PEPD: variants seen among roughly 807,000 people sequenced by gnomAD.
The protein encoded by PEPD is peptidase D.
A neutral mutation model predicts 60.7 loss-of-function variants in PEPD; 53 were observed. That is an observed-to-expected ratio of 0.87 (90% CI 0.70 to 1.10). The LOEUF (loss-of-function observed/expected upper bound fraction) is 1.10. Among genes scored for constraint, PEPD ranks in the 50% least tolerant of loss-of-function variants. The probability of loss-of-function intolerance (pLI) is 0.00; values close to 1 mark genes in which losing one functional copy is unlikely to be tolerated. For synonymous variants in PEPD, 267 were observed against 284.1 expected, an observed-to-expected ratio of 0.94 and a Z score of 0.60; for missense variants, 711 against 711.9, an observed-to-expected ratio of 1.00 and a Z score of 0.01.
intron 12 of PEPD, among the ~76,000 whole-genome samples, chr19:33,399,798 C>A (rs188092254): frequency 6.6e-6 from 1 of 152,138 alleles, no homozygotes; most frequent in Non-Finnish European, 1.5e-5. Flanking sequence ...ACACTGAGGG[C>A]GCACTTGGCA....
rs979488257 is a variant in PEPD, at chr19:33,461,890, G to T, written c.671+1105C>A. ...ACGTGTGTTACACGGCCCCTCCCAG[G>T]ATGCCAAGCACCTGGGTCAGGCCAT... is the stretch of plus-strand genomic sequence containing the variant. On this transcript the variant is annotated intron_variant, in intron 9 of 14. Coordinates refer to ENST00000244137, the MANE Select transcript of PEPD (RefSeq NM_000285.4). 3.3e-5 allele frequency among the ~76,000 whole-genome samples: 5 copies of T among 152,232 alleles called. No homozygotes were observed. The South Asian group carries it at 8.3e-4, about 25-fold the overall frequency.
intron 12 of PEPD, among the ~76,000 whole-genome samples, chr19:33,399,364 G>C (rs1968436708): frequency 6.6e-6 from 1 of 152,212 alleles, no homozygotes; most frequent in African/African-American, 2.4e-5. Flanking sequence ...GATCAGCGCT[G>C]TCACCCCATC....
At chr19:33,391,221 C>A in intron 13 of PEPD, 74 bp downstream of exon 13, 1 of 1,239,522 alleles carries the variant, frequency 8.1e-7, no homozygotes, top group South Asian at 1.2e-5. Flanking sequence ...CTCCTAGAGT[C>A]CCACCCTGCC....
chr19:33,471,793 G>A (rs1304135478), intron 7 of PEPD, among the ~76,000 whole-genome samples: 3 of 151,758 alleles, frequency 2.0e-5, no homozygotes, highest in African/African-American at 7.3e-5. Context: ...GAGGATCTAA[G>A]GCCAAGGCTG....
chr19:33,401,867 A>G lies in PEPD; in HGVS notation c.821T>C (p.Leu274Pro). Residue 274 changes from leucine to proline, a missense_variant and splice_region_variant, in exon 12 of 15, where the codon CTG becomes CCG. Transcript: ENST00000244137. ...GTAATACTCACCGCCCATGTCGAAC[A>G]GGCTGCGGAGAGAGGAAGGCAGGGC... The part of the protein sequence containing the change: ...DRTIQNGDMC[L>P]FDMGGEYYCF... 6.2e-7 allele frequency: 1 copy of G among 1,613,014 alleles called. No homozygotes were observed. The highest frequency in any genetic ancestry group is 8.5e-7 in the Non-Finnish European group (1 of 1,179,898).
chr19:33,474,981 TAAA>T (rs67443412), intron 7 of PEPD, among the ~76,000 whole-genome samples: 1 of 138,548 alleles, frequency 7.2e-6, no homozygotes. Flanking sequence ...TCCTGTCTCT[TAAA>T]AAAAAAAAAA....
chr19:33,464,559 C>A (rs938448026), intron 7 of PEPD, among the ~76,000 whole-genome samples: 1 of 152,190 alleles, frequency 6.6e-6, no homozygotes, highest in African/African-American at 2.4e-5. Context: ...GGTGAAGGGA[C>A]AGAAGCCATT....
Position 33,388,048 on chromosome 19 carries a change from T to C in PEPD, c.1186A>G (p.Ser396Gly). ...TGCAGGTGCCGTGCAGTGCGCAGGC[T>C]CCGCAGGCCGGGCTCGTCGATGCGC... ...VERIDEPGLRSLRTARHLQPG... is the reference protein window; with the variant it reads ...VERIDEPGLRGLRTARHLQPG... Residue 396 changes from serine (S) to glycine (G), a missense_variant, in exon 14 of 15, where the codon AGC (serine) becomes GGC (glycine). Coordinates refer to ENST00000244137, the MANE Select transcript of PEPD (RefSeq NM_000285.4). The C allele has an allele frequency of 6.4e-7, 1 of 1,557,114 alleles. No homozygotes were observed.
At chr19:33,402,043 T>G (rs2145347474) in intron 11 of PEPD, among the ~76,000 whole-genome samples, 174 bp from the exon 12 acceptor site, 1 of 152,166 alleles carries the variant, frequency 6.6e-6, no homozygotes, top group African/African-American at 2.4e-5. Context: ...CACGGGTGCG[T>G]GGGCAGCAAG....
At chr19:33,471,816 C>T (rs1222151912) in intron 7 of PEPD, among the ~76,000 whole-genome samples, 1 of 152,112 alleles carries the variant, frequency 6.6e-6, no homozygotes, top group African/African-American at 2.4e-5. Context: ...CACAGGAATT[C>T]GAGGCCAGCC....
chr19:33,477,682 C>T (rs1158022723), intron 7 of PEPD, among the ~76,000 whole-genome samples: 2 of 152,230 alleles, frequency 1.3e-5, no homozygotes, highest in African/African-American at 4.8e-5. Context: ...TGTCAAGACA[C>T]ATGCGTGACA....
At chr19:33,406,143 T>C (rs1033640923) in intron 11 of PEPD, among the ~76,000 whole-genome samples, 1 of 152,176 alleles carries the variant, frequency 6.6e-6, no homozygotes, top group African/African-American at 2.4e-5. Context: ...GCAGTGGCCT[T>C]GGCAGGCGGG....
chr19:33,469,037 C>T (rs566762025), intron 7 of PEPD, among the ~76,000 whole-genome samples: 14 of 152,296 alleles, frequency 9.2e-5, no homozygotes, highest in African/African-American at 3.1e-4. Context: ...GACGCCAGCC[C>T]GGGGAACCCG....
chr19:33,472,780 A>G lies in PEPD; in HGVS notation c.548+5266T>C, dbSNP rs555870136. ...ACAAAACTCATTTAAAGGGCCAGGA[A>G]TTCCATCTCTCCTGGAGATGGATGT... On this transcript the variant is annotated intron_variant, in intron 7 of 14. Transcript: ENST00000244137. Among the ~76,000 whole-genome samples, 17 of 152,334 alleles carry G rather than the reference A, an allele frequency of 1.1e-4. No homozygotes were observed. The Middle Eastern group carries it at 0.01, about 91-fold the overall frequency.
rs776133687 is a variant in PEPD, at chr19:33,391,386, A to G, written c.1061T>C (p.Met354Thr). 1.1e-5 allele frequency: 18 copies of G among 1,601,784 alleles called. No individual in the cohort carries two copies. Among genetic ancestry groups the G allele is most frequent in the Non-Finnish European group, 1.4e-5 (17 of 1,174,486 alleles). The change falls in exon 13 of 15, where the codon ATG becomes ACG. Residue 354 changes from methionine (M) to threonine (T), a missense_variant. By Grantham distance (81) the Met-to-Thr change is moderately conservative (BLOSUM62 -1). Transcript: ENST00000244137. ...MGILSGSVDAMVQAHLGAVFM... is the reference protein window; with the variant it reads ...MGILSGSVDATVQAHLGAVFM... ...CACGGCCCCCAGGTGAGCCTGGACC[A>G]TGGCGTCCACGCTGCCGCTCAGGAT...
intron 7 of PEPD, among the ~76,000 whole-genome samples, chr19:33,476,508 G>A (rs1970218264): frequency 6.6e-6 from 1 of 152,024 alleles, no homozygotes; most frequent in African/African-American, 2.4e-5. Context: ...CCTCCCAGGA[G>A]CTTTCCCTCT....
rs549124889 is a variant in PEPD at position 33,456,191 on chromosome 19, G to A, written c.671+6804C>T. Among the ~76,000 whole-genome samples the A allele has an allele frequency of 7.9e-5, 12 of 152,162 alleles. No homozygotes were observed. In the East Asian group the frequency reaches 1.9e-3, roughly 25 times the overall value. ...TCATTCTCGGATCCCTGGCTCTGTC[G>A]AATCTCTGGTGGAGAGACTCTCCAC... On this transcript the variant is annotated intron_variant, in intron 9 of 14. Coordinates refer to ENST00000244137, the MANE Select transcript of PEPD (RefSeq NM_000285.4).
At chr19:33,448,899 C>T (rs572733526) in intron 9 of PEPD, among the ~76,000 whole-genome samples, 2 of 152,360 alleles carry the variant, frequency 1.3e-5, no homozygotes, top group African/African-American at 2.4e-5. Flanking sequence ...CTGGGCCAAA[C>T]GGAAACTGCG....
chr19:33,407,063 C>G (rs528041388), intron 11 of PEPD, among the ~76,000 whole-genome samples: 72 of 152,154 alleles, frequency 4.7e-4, no homozygotes, highest in Middle Eastern at 3.4e-3. Context: ...CCAGCTGCAT[C>G]CCGACTGGGA....
Sources: gnomAD v4.1 joint callset for allele counts (sites outside exome capture counted in the v4.1 genomes callset) on GRCh38, gnomAD v4.1.1 for gene constraint, MANE v1.5 for transcripts, NCBI Gene and HGNC (gene_info 2026-07-23, HGNC 2026-07-21) for gene names.